The following SMARCA1 variants were observed in gnomAD, a reference collection of about 807,000 sequenced individuals.
SMARCA1 encodes the protein SWI/SNF-related matrix-associated actin-dependent regulator of chromatin subfamily A member 1.
Under a neutral mutation model 93.6 loss-of-function variants are expected in SMARCA1, and 17 were observed. That is an observed-to-expected ratio of 0.18 (90% CI 0.12 to 0.27). The LOEUF (loss-of-function observed/expected upper bound fraction) is 0.27. Among genes scored for constraint, SMARCA1 ranks in the 10% least tolerant of loss-of-function variants. SMARCA1 has a pLI of 1.00. For synonymous variants in SMARCA1, 271 were observed against 271.4 expected, an observed-to-expected ratio of 1.00 and a Z score of 0.01; for missense variants, 630 against 819.0, an observed-to-expected ratio of 0.77 and a Z score of 2.82.
intron 23 of SMARCA1, among the ~76,000 whole-genome samples, chrX:129,463,697 G>A (rs967547012): frequency 9.0e-6 from 1 of 111,584 alleles, no homozygotes; most frequent in Non-Finnish European, 1.9e-5. Flanking sequence ...CAGCACTTTG[G>A]GAGGCTGAGG....
intron 7 of SMARCA1, among the ~76,000 whole-genome samples, chrX:129,507,489 C>A (rs1310006736): frequency 8.9e-6 from 1 of 112,716 alleles, no homozygotes; most frequent in Non-Finnish European, 1.9e-5. Context: ...AAACTGTGCT[C>A]AATTTTAATG....
In SMARCA1 at chrX:129,497,019, ACAC is replaced by A. The variant is rs1934361018; in HGVS notation, c.1505-151_1505-149del. On this transcript the variant is annotated intron_variant, in intron 11 of 24. Coordinates refer to ENST00000371121, the MANE Select transcript of SMARCA1 (RefSeq NM_001282874.2). ...CACGTGCACACACACACACACACAC[ACAC>A]CCCCACACACCTTCAAGAGATGCTA... 3.4e-5 allele frequency: 14 copies of A among 415,018 alleles called. No homozygotes were observed. The East Asian group carries it at 5.1e-4, about 15-fold the overall frequency. 34.2% of individuals were successfully genotyped at this position (415,018 alleles called of 1,213,427 possible).
At chrX:129,487,317 C>T (rs1933934262) in intron 16 of SMARCA1, among the ~76,000 whole-genome samples, 180 bp from the exon 17 acceptor site, 1 of 112,219 alleles carries the variant, frequency 8.9e-6, no homozygotes, top group Admixed American at 9.5e-5. Context: ...CCAAGTATTT[C>T]AAATATTTAA....
chrX:129,492,318 T>C (rs1934159377), intron 13 of SMARCA1, among the ~76,000 whole-genome samples: 1 of 111,938 alleles, frequency 8.9e-6, no homozygotes, highest in Admixed American at 9.5e-5. Context: ...AAGTATATTA[T>C]ATAAATGAAG....
chrX:129,488,030 A>G (rs1263339560), intron 16 of SMARCA1, among the ~76,000 whole-genome samples: 1 of 110,972 alleles, frequency 9.0e-6, no homozygotes, highest in Middle Eastern at 4.2e-3. Flanking sequence ...GGGGATATAG[A>G]CAGAACAGGA....
chrX:129,522,856 A>C (rs1443440680), intron 1 of SMARCA1, among the ~76,000 whole-genome samples: 2 of 111,112 alleles, frequency 1.8e-5, no homozygotes, highest in African/African-American at 3.3e-5. Flanking sequence ...TTTTTCCTGC[A>C]CAGCCCCATC....
chrX:129,498,014 G>A lies in SMARCA1; in HGVS notation c.1335C>T (p.Asp445=), dbSNP rs1934403010. 8.3e-7 allele frequency: 1 copy of A among 1,205,663 alleles called. No individual in the cohort carries two copies. The highest frequency in any genetic ancestry group is 1.1e-6 in the Non-Finnish European group (1 of 891,312). ...TCAGAATGTTTAAGAGTCGCATCTT[G>A]TCCATCTTGCCAGAAGAGTTTAAAA... The part of the protein sequence containing the change: ...IDVLNSSGKM[D]KMRLLNILMQ... The change falls in exon 11 of 25, where the codon GAC becomes GAT. Residue 445 remains aspartate (D), a synonymous_variant. Transcript: ENST00000371121.
At chrX:129,508,752 C>T (rs951450455) in intron 6 of SMARCA1, among the ~76,000 whole-genome samples, 25 of 112,565 alleles carry the variant, frequency 2.2e-4, no homozygotes, top group African/African-American at 7.7e-4. Context: ...TAAGTCTTCA[C>T]AGGCAGTGGC....
At position 129,496,867 on chromosome X, in the gene SMARCA1, T is replaced by G. The variant is rs746856781; in HGVS notation, c.1509A>C (p.Ser503=). The stretch of plus-strand genomic sequence containing the variant: ...TCATCTGGCTGAAAATGAGAACCCT[T>G]GAACCTAAAACATTTCACCAAGAAA... ...KLLAKLKEQG[S]RVLIFSQMTR... The change falls in exon 12 of 25, where the codon TCA becomes TCC. Residue 503 remains serine, a synonymous_variant. Coordinates refer to ENST00000371121, the MANE Select transcript of SMARCA1 (RefSeq NM_001282874.2). 1.7e-6 allele frequency: 2 copies of G among 1,200,877 alleles called. No homozygotes were observed. The highest frequency in any genetic ancestry group is 1.8e-5 in the South Asian group (1 of 54,817).
At position 129,465,880 on chromosome X, in the gene SMARCA1, T is replaced by C. The variant is rs1257515493; in HGVS notation, c.2781A>G (p.Gln927=). 5.9e-6 allele frequency: 7 copies of C among 1,181,935 alleles called. No homozygotes were observed. The Admixed American group carries it at 9.6e-5, about 16-fold the overall frequency. The change falls in exon 22 of 25, where the codon CAA becomes CAG. Residue 927 remains glutamine (Q), a synonymous_variant. Transcript: ENST00000371121. ...GGGCTTTCTTGATACTGATCCTTCG[T>C]TGAATTCTTGCTTCTCCACGTTCAA... is the stretch of plus-strand genomic sequence containing the variant. ...AQIERGEARI[Q]RRISIKKALD...
chrX:129,492,132 A>G, intron 13 of SMARCA1, 39 bp from the exon 14 acceptor site: 2 of 911,038 alleles, frequency 2.2e-6, no homozygotes, highest in Non-Finnish European at 3.1e-6. Flanking sequence ...AGAAAAAGAG[A>G]AAAATAAAAT....
At chrX:129,513,485 T>C (rs1363535552) in intron 5 of SMARCA1, among the ~76,000 whole-genome samples, 3 of 106,725 alleles carry the variant, frequency 2.8e-5, no homozygotes, top group African/African-American at 6.8e-5. Flanking sequence ...GATCACGCCA[T>C]TGCACTCCAG....
At chrX:129,522,860 C>A (rs1329543325) in intron 1 of SMARCA1, among the ~76,000 whole-genome samples, 3 of 111,339 alleles carry the variant, frequency 2.7e-5, no homozygotes, top group African/African-American at 9.8e-5. Context: ...TCCTGCACAG[C>A]CCCATCCCCC....
chrX:129,461,481 T>C (rs977853889), intron 23 of SMARCA1, among the ~76,000 whole-genome samples: 7 of 111,768 alleles, frequency 6.3e-5, no homozygotes, highest in African/African-American at 2.3e-4. Flanking sequence ...ACTTCTTAGA[T>C]TCTTCCAGAA....
intron 10 of SMARCA1, 108 bp from the exon 11 acceptor site, chrX:129,498,179 T>A: frequency 2.0e-6 from 1 of 507,185 alleles, no homozygotes; most frequent in East Asian, 3.6e-5. Flanking sequence ...AAACAAGATT[T>A]GATTTGAGAT....
chrX:129,470,405 T>C (rs1933062910), intron 20 of SMARCA1, among the ~76,000 whole-genome samples: 1 of 110,580 alleles, frequency 9.0e-6, no homozygotes, highest in South Asian at 3.7e-4. Flanking sequence ...ATAATAATAA[T>C]AATAATAAAA....
At chrX:129,516,062 C>T in intron 3 of SMARCA1, 68 bp from the exon 4 acceptor site, 1 of 798,484 alleles carries the variant, frequency 1.3e-6, no homozygotes, top group South Asian at 2.4e-5. Flanking sequence ...AATCAGTGTA[C>T]ATGGCTATTA....
chrX:129,471,986 C>T (rs5975116), intron 19 of SMARCA1, among the ~76,000 whole-genome samples: 21,174 of 111,150 alleles, frequency 0.19, 2,332 homozygotes, highest in African/African-American at 0.41. Context: ...GGGTACAGAA[C>T]TGCAAATACA....
chrX:129,454,906 C>T (rs7880534), intron 23 of SMARCA1, among the ~76,000 whole-genome samples: 2,030 of 111,624 alleles, frequency 0.018, 59 homozygotes, highest in African/African-American at 0.062. Flanking sequence ...CACAATGAAA[C>T]ACCATCTCAC....
Sources: gnomAD v4.1 joint callset for allele counts (sites outside exome capture counted in the v4.1 genomes callset) on GRCh38, gnomAD v4.1.1 for gene constraint, MANE v1.5 for transcripts, NCBI Gene and HGNC (gene_info 2026-07-23, HGNC 2026-07-21) for gene names.